ZNF77: variants seen among roughly 807,000 people sequenced by gnomAD.
ZNF77 encodes zinc finger protein 77.
Under a neutral mutation model 13.5 loss-of-function variants are expected in ZNF77, and 15 were observed. That is an observed-to-expected ratio of 1.11 (90% CI 0.74 to 1.71). The LOEUF (loss-of-function observed/expected upper bound fraction) is 1.71, where lower values mean the gene tolerates loss of function less well. ZNF77 is among the 40% of genes most tolerant of loss of function. ZNF77 has a pLI of 0.00. For synonymous variants in ZNF77, 282 were observed against 250.0 expected, an observed-to-expected ratio of 1.13 and a Z score of -1.21; for missense variants, 717 against 676.4, an observed-to-expected ratio of 1.06 and a Z score of -0.67.
At position 2,939,492 on chromosome 19, in the gene ZNF77, G is replaced by C. The variant is rs1484606982; in HGVS notation, c.4-85C>G. 5.5e-5 allele frequency: 86 copies of C among 1,571,276 alleles called. 1 individual carries two copies. Among genetic ancestry groups the C allele is most frequent in the Non-Finnish European group, 7.3e-5 (85 of 1,157,344 alleles). ...AGAGGGGTGAGGCTGACAGCCTGGG[G>C]AACTGAGCCACACAGAGCTTATGTC... On this transcript the variant is annotated intron_variant, in intron 1 of 3. Transcript: ENST00000314531.
chr19:2,944,783 T>C, intron 1 of ZNF77, 55 bp downstream of exon 1: 2 of 1,489,224 alleles, frequency 1.3e-6, no homozygotes, highest in South Asian at 1.3e-5. Context: ...CGGAAGCCGG[T>C]TCCTGCCGCC....
chr19:2,941,148 G>A (rs996184755), intron 1 of ZNF77, among the ~76,000 whole-genome samples: 4 of 145,640 alleles, frequency 2.7e-5, no homozygotes, highest in South Asian at 2.2e-4. Flanking sequence ...GCACTCCAGC[G>A]TGGGTGACAG....
At chr19:2,939,632 ACT>A in intron 1 of ZNF77, 1 of 538,998 alleles carries the variant, frequency 1.9e-6, no homozygotes, top group Non-Finnish European at 3.3e-6. Context: ...ACAAAGAATT[ACT>A]GAGAAACGGC....
intron 1 of ZNF77, among the ~76,000 whole-genome samples, chr19:2,942,817 G>A (rs1264717074): frequency 3.3e-5 from 5 of 150,756 alleles, no homozygotes; most frequent in African/African-American, 9.8e-5. Flanking sequence ...TAGGTTAGGT[G>A]TGCCCAGGCT....
chr19:2,937,754 TTTTG>T (rs2088410857), intron 2 of ZNF77, among the ~76,000 whole-genome samples: 1 of 2,326 alleles, frequency 4.3e-4, no homozygotes. Flanking sequence ...TGTTTCTTTT[TTTTG>T]TTTTGTTTTG....
rs777664099 is a variant in ZNF77, at chr19:2,934,694, T to G, written c.433A>C (p.Thr145Pro). The change falls in exon 4 of 4, where the codon ACT becomes CCT. Residue 145 changes from threonine to proline, a missense_variant. Physicochemically the swap from Thr to Pro is conservative, Grantham distance 38. Transcript: ENST00000314531. ...YPTEAKPSEC[T>P]KCGKAFENRQ... The stretch of plus-strand genomic sequence containing the variant: ...TTCTCGAAGGCTTTGCCACACTTAG[T>G]GCACTCAGAGGGTTTAGCTTCGGTA... 5.0e-6 allele frequency: 8 copies of G among 1,614,180 alleles called. No individual in the cohort carries two copies. Among genetic ancestry groups the G allele is most frequent in the Admixed American group, 1.7e-5 (1 of 60,008 alleles).
rs768955579 is a variant in ZNF77, at chr19:2,934,002, G to A, written c.1125C>T (p.Thr375=). 131 of 1,614,050 alleles carry A rather than the reference G, an allele frequency of 8.1e-5. No homozygotes were observed. The Middle Eastern group carries it at 1.5e-3, about 18-fold the overall frequency. ...SSLRAHMRMH[T]GEKPYVCKQC... Reference sequence around the variant, plus strand: ...GCTTGCACACATAGGGCTTCTCTCCGGTGTGCATTCTCATGTGTGCTCGCA... The same window carrying A: ...GCTTGCACACATAGGGCTTCTCTCCAGTGTGCATTCTCATGTGTGCTCGCA... The change falls in exon 4 of 4, where the codon ACC becomes ACT. Residue 375 remains threonine (T), a synonymous_variant. Coordinates refer to ENST00000314531, the MANE Select transcript of ZNF77 (RefSeq NM_021217.3).
At chr19:2,938,822 G>C (rs2088421610) in intron 2 of ZNF77, among the ~76,000 whole-genome samples, 1 of 152,118 alleles carries the variant, frequency 6.6e-6, no homozygotes, top group Non-Finnish European at 1.5e-5. Flanking sequence ...CAGGCGTGGT[G>C]GTGGGCACCT....
intron 2 of ZNF77, among the ~76,000 whole-genome samples, chr19:2,938,511 G>T (rs1001355977): frequency 1.3e-5 from 2 of 152,164 alleles, no homozygotes; most frequent in Non-Finnish European, 2.9e-5. Flanking sequence ...GGGCAGCCAA[G>T]GACTGGTGAT....
rs375985488 is a variant in ZNF77, at chr19:2,934,512, A to T, written c.615T>A (p.Ser205Arg). The change falls in exon 4 of 4, where the codon AGT becomes AGA. Residue 205 changes from serine (S) to arginine (R), a missense_variant. Transcript: ENST00000314531. The part of the protein sequence containing the change: ...SRTASVTYVK[S>R]LSSKKSYECQ... ...ATTCATAAGACTTTTTACTGCTGAGACTTTTCACGTATGTCACAGATGCTG... is the reference window on the plus strand; with the variant it reads ...ATTCATAAGACTTTTTACTGCTGAGTCTTTTCACGTATGTCACAGATGCTG... 3 of 1,614,080 alleles carry T rather than the reference A, an allele frequency of 1.9e-6. No individual in the cohort carries two copies. The highest frequency in any genetic ancestry group is 2.5e-6 in the Non-Finnish European group (3 of 1,180,036).
At chr19:2,941,527 G>A (rs924238455) in intron 1 of ZNF77, among the ~76,000 whole-genome samples, 40 of 152,190 alleles carry the variant, frequency 2.6e-4, no homozygotes, top group South Asian at 1.0e-3. Context: ...CTTTCAGCCC[G>A]TGTTAAAGGA....
At chr19:2,939,798 C>G (rs2088433697) in intron 1 of ZNF77, 1 of 206,474 alleles carries the variant, frequency 4.8e-6, no homozygotes, top group South Asian at 7.3e-5. Context: ...ATAGTGAGAT[C>G]CCGTCTCTAC....
In ZNF77 at chr19:2,936,600, A is replaced by C. The variant is rs1263820347; in HGVS notation, c.235T>G (p.Ser79Ala). The C allele has an allele frequency of 4.3e-6, 7 of 1,611,172 alleles. No individual in the cohort carries two copies. The highest frequency in any genetic ancestry group is 5.1e-6 in the Non-Finnish European group (6 of 1,179,268). ...EEIVKFTGSD[S>A]WSIFGENWRF... ...CAATTTTCTCCAAAAATAGACCAGG[A>C]ATCACTTCCTGTGAACTTTACAATC... The change falls in exon 3 of 4, where the codon TCC becomes GCC. Residue 79 changes from serine to alanine, a missense_variant. Physicochemically the swap from Ser to Ala is moderately conservative, Grantham distance 99 (BLOSUM62 1). Coordinates refer to ENST00000314531, the MANE Select transcript of ZNF77 (RefSeq NM_021217.3).
intron 1 of ZNF77, 59 bp downstream of exon 1, chr19:2,944,779 C>T: frequency 1.3e-6 from 2 of 1,487,306 alleles, no homozygotes; most frequent in Admixed American, 2.3e-5. Flanking sequence ...CGGGCGGAAG[C>T]CGGTTCCTGC....
At chr19:2,936,369 G>T (rs936243208) in intron 3 of ZNF77, among the ~76,000 whole-genome samples, 155 bp downstream of exon 3, 1 of 152,100 alleles carries the variant, frequency 6.6e-6, no homozygotes, top group Non-Finnish European at 1.5e-5. Flanking sequence ...AGCTGGTTTC[G>T]AACTACTAAC....
chr19:2,941,072 G>A (rs1455622722), intron 1 of ZNF77, among the ~76,000 whole-genome samples: 1 of 151,700 alleles, frequency 6.6e-6, no homozygotes, highest in African/African-American at 2.4e-5. Context: ...CTACTCAGGA[G>A]GCTGAGGTGG....
In ZNF77 at chr19:2,942,049, G is replaced by GAAAAAAAGGC. The variant is rs1568194739; in HGVS notation, c.4-2643_4-2642insGCCTTTTTTT. ...CAATGACTGCCCTCACTAAGGACAA[G>GAAAAAAAGGC]AAAAAAAAGGCAAAAAGCATTTATT... On this transcript the variant is annotated intron_variant, in intron 1 of 3. Coordinates refer to ENST00000314531, the MANE Select transcript of ZNF77 (RefSeq NM_021217.3). 5.3e-5 allele frequency among the ~76,000 whole-genome samples: 8 copies of GAAAAAAAGGC among 150,444 alleles called. No homozygotes were observed. The East Asian group carries it at 1.6e-3, about 30-fold the overall frequency.
At chr19:2,939,568 T>A in intron 1 of ZNF77, 161 bp from the exon 2 acceptor site, 3 of 947,464 alleles carry the variant, frequency 3.2e-6, no homozygotes, top group Non-Finnish European at 4.7e-6. Context: ...CTCAATGCCG[T>A]GAGTACCTTC....
chr19:2,934,785 A>G lies in ZNF77; in HGVS notation c.342T>C (p.Asn114=). 6.2e-7 allele frequency: 1 copy of G among 1,612,508 alleles called. No individual in the cohort carries two copies. The change falls in exon 4 of 4, where the codon AAT becomes AAC. Residue 114 remains asparagine (N), a synonymous_variant. Transcript: ENST00000314531. Reference sequence around the variant, plus strand: ...AGGTCTCTCCGCATTGATGACCTTCATTACTTTCACAGAGTCTCCCCAGCT... The same window carrying G: ...AGGTCTCTCCGCATTGATGACCTTCGTTACTTTCACAGAGTCTCCCCAGCT... ...RSQLGRLCES[N]EGHQCGETLS... is the part of the protein sequence containing the mutation.
Sources: allele counts gnomAD v4.1 joint callset (sites outside exome capture counted in the v4.1 genomes callset), GRCh38; gene constraint gnomAD v4.1.1; transcripts MANE v1.5; gene names NCBI Gene and HGNC (gene_info 2026-07-23, HGNC 2026-07-21).